Variants in ARHGEF15 observed in about 807,000 individuals in gnomAD.
The protein encoded by ARHGEF15 is Rho guanine nucleotide exchange factor (GEF) 15.
In ARHGEF15, 58 loss-of-function variants were observed where a neutral mutation model predicts 79.7. That is an observed-to-expected ratio of 0.73 (90% CI 0.59 to 0.91). The LOEUF is 0.91. Among genes scored for constraint, ARHGEF15 ranks in the 40% least tolerant of loss-of-function variants. The pLI, the probability that ARHGEF15 is intolerant of heterozygous loss-of-function variation, is 0.00. For synonymous variants in ARHGEF15, 442 were observed against 456.0 expected, an observed-to-expected ratio of 0.97 and a Z score of 0.39; for missense variants, 1,012 against 1,108.1, an observed-to-expected ratio of 0.91 and a Z score of 1.23.
chr17:8,318,207 A>G lies in ARHGEF15; in HGVS notation c.1705-180A>G, dbSNP rs967893038. ...TGGGTATTAGCCCCATTTTACAGAT[A>G]GGGAAGCTGAGGCTCAGAGAGGTAA... On this transcript the variant is annotated intron_variant, in intron 9 of 15. Coordinates refer to ENST00000361926, the MANE Select transcript of ARHGEF15 (RefSeq NM_173728.4). This position sits in a 1 kb window ranked among gnomAD's most constrained non-coding sequence, Gnocchi z 5.0. The G allele has an allele frequency of 1.8e-4, 116 of 631,872 alleles. No individual in the cohort carries two copies. The highest frequency in any genetic ancestry group is 2.6e-4 in the Non-Finnish European group (92 of 351,958). The allele number at this position is 631,872 out of a possible 1,614,324, so 39.1% of individuals were successfully genotyped here. A position where few individuals can be genotyped will look rare whatever the true frequency, so the allele number is the denominator to read the frequency against.
chr17:8,319,098 C>T lies in ARHGEF15; in HGVS notation c.2125C>T (p.Leu709Phe). Reference protein sequence around the residue: ...PDPSGPPTFRLSLLSNHQGRP... With the variant: ...PDPSGPPTFRFSLLSNHQGRP... ...TCCATCTGGACCCCCTACCTTCCGC[C>T]TCTCCCTTCTCAGCAACCACCAGGG... is the stretch of plus-strand genomic sequence containing the variant. The change falls in exon 13 of 16, where the codon CTC (leucine) becomes TTC (phenylalanine). Residue 709 changes from leucine to phenylalanine, a missense_variant. Physicochemically the swap from Leu to Phe is conservative, Grantham distance 22 (BLOSUM62 0). Around this residue, in one of 3 missense-constraint regions of ARHGEF15, gnomAD observed 62 missense variants for 101.3 expected, o/e 0.61. Transcript: ENST00000361926. 6.2e-7 allele frequency: 1 copy of T among 1,614,054 alleles called. No individual in the cohort carries two copies. Among genetic ancestry groups the T allele is most frequent in the Non-Finnish European group, 8.5e-7 (1 of 1,180,014 alleles).
rs1283026327 is a variant in ARHGEF15 at position 8,315,253 on chromosome 17, C to G, written c.1236C>G (p.Ser412Arg). The change falls in exon 6 of 16, where the codon AGC becomes AGG. Residue 412 changes from serine to arginine, a missense_variant. Physicochemically the swap from Ser to Arg is moderately radical, Grantham distance 110. This residue lies in a region of ARHGEF15 where 818 missense variants were observed against 882.5 expected (regional missense o/e 0.93). Transcript: ENST00000361926. The surrounding 1 kb of genome is among the most constrained non-coding windows in gnomAD (Gnocchi z 4.3). ...VQASGLLDTL[S>R]PQERRMQESL... The stretch of plus-strand genomic sequence containing the variant: ...CCAGCGGTCTTCTGGATACCCTCAG[C>G]CCCCAGGAGAGGCGCATGCAGGAGG... The G allele has an allele frequency of 6.2e-7, 1 of 1,613,094 alleles. No homozygotes were observed. The highest frequency in any genetic ancestry group is 8.5e-7 in the Non-Finnish European group (1 of 1,179,884).
At position 8,318,618 on chromosome 17, in the gene ARHGEF15, G is replaced by T. The variant is rs1249281650; in HGVS notation, c.1828G>T (p.Glu610Ter). 2 of 1,613,854 alleles carry T rather than the reference G, an allele frequency of 1.2e-6. No individual in the cohort carries two copies. The highest frequency in any genetic ancestry group is 4.5e-5 in the East Asian group (2 of 44,864). The change falls in exon 11 of 16, where the codon GAG becomes TAG. Residue 610 changes from glutamate (E) to a stop codon, truncating the protein, a stop_gained. Transcript: ENST00000361926. LOFTEE classifies it high-confidence loss of function. The surrounding 1 kb of genome is among the most constrained non-coding windows in gnomAD (Gnocchi z 5.0). ...AEVGRMKQTE[E>*]LIRLTQRLRF... ...GGTGGGGCGCATGAAGCAGACTGAA[G>T]AGCTGATCCGGCTCACCCAAAGGCT...
rs773023999 is a variant in ARHGEF15, at chr17:8,318,977, G to A, written c.2034-30G>A. The A allele has an allele frequency of 9.3e-6, 15 of 1,610,764 alleles. No homozygotes were observed. The highest frequency in any genetic ancestry group is 1.7e-5 in the Admixed American group (1 of 59,876). On this transcript the variant is annotated intron_variant, in intron 12 of 15. Coordinates refer to ENST00000361926, the MANE Select transcript of ARHGEF15 (RefSeq NM_173728.4). This position sits in a 1 kb window ranked among gnomAD's most constrained non-coding sequence, Gnocchi z 5.0. ...GGAGGGGTCCAGCGGGACCCCTGCT[G>A]TCCTTCTGAACGACCTCATCCCTGG...
rs1453149438 is a variant in ARHGEF15, at chr17:8,321,094, T to C, written c.*101T>C. On this transcript the variant is annotated 3_prime_UTR_variant, in exon 16 of 16. Coordinates refer to ENST00000361926, the MANE Select transcript of ARHGEF15 (RefSeq NM_173728.4). Reference sequence around the variant, plus strand: ...TTGGATTCACTGTCAGTGGAGATACTACCTCTCGTGGCAACCATAGAGATC... The same window carrying C: ...TTGGATTCACTGTCAGTGGAGATACCACCTCTCGTGGCAACCATAGAGATC... 3 of 1,504,314 alleles carry C rather than the reference T, an allele frequency of 2.0e-6. No homozygotes were observed. Among genetic ancestry groups the C allele is most frequent in the Non-Finnish European group, 2.7e-6 (3 of 1,099,540 alleles). 93.2% of individuals were successfully genotyped at this position (1,504,314 alleles called of 1,614,324 possible).
intron 4 of ARHGEF15, chr17:8,313,811 C>T: frequency 2.6e-6 from 1 of 382,328 alleles, no homozygotes; most frequent in South Asian, 9.8e-5. Context: ...AGAAGGATCA[C>T]CTGAAGTCAG....
rs757929000 is a variant in ARHGEF15 at position 8,318,484 on chromosome 17, C to T, written c.1779+23C>T. ...AAGGTGGGCAGTGGGGAAGCTGAAG[C>T]AGGGGGAGGTGACAAGGTGGTAGAG... is the stretch of plus-strand genomic sequence containing the variant. On this transcript the variant is annotated intron_variant, in intron 10 of 15. Coordinates refer to ENST00000361926, the MANE Select transcript of ARHGEF15 (RefSeq NM_173728.4). This position sits in a 1 kb window ranked among gnomAD's most constrained non-coding sequence, Gnocchi z 5.0. 1 of 1,613,784 alleles carries T rather than the reference C, an allele frequency of 6.2e-7. No individual in the cohort carries two copies.
chr17:8,316,162 C>G lies in ARHGEF15; in HGVS notation c.1704+14C>G, dbSNP rs748875696. 3.1e-6 allele frequency: 5 copies of G among 1,597,446 alleles called. No homozygotes were observed. In the African/African-American group the frequency reaches 6.7e-5, roughly 21 times the overall value. ...ATGCTGCTGCAGGTACCTGTCCCAG[C>G]TGCGGCCGTTTCTGCCCCACCAACC... On this transcript the variant is annotated intron_variant, in intron 9 of 15. Transcript: ENST00000361926.
chr17:8,310,676 C>G (rs1485810781), intron 1 of ARHGEF15: 1 of 152,418 alleles, frequency 6.6e-6, no homozygotes, highest in South Asian at 2.1e-4. Flanking sequence ...TTCAGCTTTT[C>G]CCCAGACCCC....
intron 1 of ARHGEF15, among the ~76,000 whole-genome samples, chr17:8,311,476 C>T (rs773179083): frequency 3.3e-5 from 5 of 152,130 alleles, no homozygotes; most frequent in African/African-American, 7.2e-5. Flanking sequence ...AAAAATAATC[C>T]GGAAAGGGAG....
At chr17:8,312,772 C>T (rs568352928) in intron 2 of ARHGEF15, 132 bp downstream of exon 2, 213 of 1,585,470 alleles carry the variant, frequency 1.3e-4, no homozygotes, top group African/African-American at 2.3e-4. Context: ...TTCTGTATGT[C>T]GGGATTTGAA....
At chr17:8,320,720 C>A in intron 15 of ARHGEF15, 122 bp from the exon 16 acceptor site, 2 of 839,304 alleles carry the variant, frequency 2.4e-6, no homozygotes, top group Non-Finnish European at 3.7e-6. Context: ...ATGCTCCAGG[C>A]TTGTCCATGA....
chr17:8,321,072 G>T lies in ARHGEF15; in HGVS notation c.*79G>T. ...GAGAACAAAGCCCATTCATCCATTG[G>T]ATTCACTGTCAGTGGAGATACTACC... On this transcript the variant is annotated 3_prime_UTR_variant, in exon 16 of 16. Coordinates refer to ENST00000361926, the MANE Select transcript of ARHGEF15 (RefSeq NM_173728.4). 1 of 1,554,344 alleles carries T rather than the reference G, an allele frequency of 6.4e-7. No homozygotes were observed. Among genetic ancestry groups the T allele is most frequent in the Non-Finnish European group, 8.8e-7 (1 of 1,137,802 alleles).
chr17:8,319,449 T>C, intron 14 of ARHGEF15, 50 bp from the exon 15 acceptor site: 2 of 1,595,766 alleles, frequency 1.3e-6, no homozygotes, highest in Non-Finnish European at 1.7e-6. Context: ...TAGAGGAATA[T>C]GGGGGAGAAG....
intron 1 of ARHGEF15, among the ~76,000 whole-genome samples, chr17:8,311,215 C>T (rs1597459635): frequency 6.6e-6 from 1 of 152,178 alleles, no homozygotes; most frequent in East Asian, 1.9e-4. Flanking sequence ...ATTGTAGCCT[C>T]CTTCCTCGAG....
rs1263509598 is a variant in ARHGEF15 at position 8,315,180 on chromosome 17, C to A, written c.1163C>A (p.Pro388His). The A allele has an allele frequency of 3.1e-6, 5 of 1,613,866 alleles. No individual in the cohort carries two copies. The highest frequency in any genetic ancestry group is 3.3e-5 in the Admixed American group (2 of 59,994). Residue 388 changes from proline to histidine, a missense_variant, in exon 6 of 16, where the codon CCC becomes CAC. By Grantham distance (77) the Pro-to-His change is moderately conservative (BLOSUM62 -2). This residue lies in a region of ARHGEF15 where 818 missense variants were observed against 882.5 expected (regional missense o/e 0.93). Coordinates refer to ENST00000361926, the MANE Select transcript of ARHGEF15 (RefSeq NM_173728.4). This position sits in a 1 kb window ranked among gnomAD's most constrained non-coding sequence, Gnocchi z 4.3. The stretch of plus-strand genomic sequence containing the variant: ...GGAGATGCACCCACCTTCCCACGAC[C>A]CCCTGGACCTCGCAACACCCTGTGG... ...NAGDAPTFPR[P>H]PGPRNTLWQE...
At chr17:8,313,446 C>A in intron 3 of ARHGEF15, 55 bp from the exon 4 acceptor site, 1 of 1,592,450 alleles carries the variant, frequency 6.3e-7, no homozygotes, top group Non-Finnish European at 8.6e-7. Context: ...AGTCGGGAGT[C>A]CTGGCTGGGG....
chr17:8,317,028 C>T (rs1905069359), intron 9 of ARHGEF15, among the ~76,000 whole-genome samples: 1 of 152,154 alleles, frequency 6.6e-6, no homozygotes, highest in Admixed American at 6.5e-5. Context: ...TGTAGTCCAC[C>T]TGCCTCAGTC....
chr17:8,314,987 G>A, intron 5 of ARHGEF15, 23 bp downstream of exon 5: 1 of 1,613,944 alleles, frequency 6.2e-7, no homozygotes, highest in Non-Finnish European at 8.5e-7. Flanking sequence ...GGACCTGAGG[G>A]TCCCTGCTGT....
Sources: allele counts gnomAD v4.1 joint callset (sites outside exome capture counted in the v4.1 genomes callset), GRCh38; gene constraint gnomAD v4.1.1; regional missense constraint gnomAD v4.1.1; non-coding constraint Gnocchi (gnomAD v3.1); transcripts MANE v1.5; gene names NCBI Gene and HGNC (gene_info 2026-07-23, HGNC 2026-07-21).